The following LARP4 variants were observed in gnomAD, a reference collection of about 807,000 sequenced individuals.
LARP4 encodes la-related protein 4.
LARP4 carries 29 observed loss-of-function variants against 92.9 expected under a neutral mutation model. The ratio of observed to expected loss-of-function variants is 0.31; its 90% confidence interval spans 0.23 to 0.43. The LOEUF (loss-of-function observed/expected upper bound fraction) is 0.43. Among genes scored for constraint, LARP4 ranks in the 20% least tolerant of loss-of-function variants. The pLI, the probability that LARP4 is intolerant of heterozygous loss-of-function variation, is 1.00. For synonymous variants in LARP4, 279 were observed against 284.1 expected (o/e 0.98, Z 0.18); for missense variants, 732 against 860.0 (o/e 0.85, Z 1.86).
At chr12:50,446,111 T>A (rs1593183097) in intron 8 of LARP4, among the ~76,000 whole-genome samples, 1 of 149,806 alleles carries the variant, frequency 6.7e-6, no homozygotes, top group Admixed American at 6.7e-5. Flanking sequence ...CACGCCATTC[T>A]CCTGCCTCAG....
At chr12:50,474,200 A>G (rs1168940842) in intron 15 of LARP4, 33 bp downstream of exon 15, 10 of 1,536,156 alleles carry the variant, frequency 6.5e-6, no homozygotes, top group Non-Finnish European at 8.8e-6. Context: ...TGTTAAAAAA[A>G]ATACAATAGA....
At chr12:50,462,546 CA>C in intron 11 of LARP4, 35 bp from the exon 12 acceptor site, 1 of 1,084,146 alleles carries the variant, frequency 9.2e-7, no homozygotes. Context: ...CTTGTCCCTC[CA>C]CCCCACCCCA....
chr12:50,436,128 T>C (rs879438442), intron 5 of LARP4, among the ~76,000 whole-genome samples: 33 of 144,186 alleles, frequency 2.3e-4, no homozygotes, highest in Non-Finnish European at 4.8e-4. Context: ...GTGATATGTG[T>C]GTGTGTGTGT....
intron 1 of LARP4, among the ~76,000 whole-genome samples, chr12:50,427,307 G>A (rs1363312999): frequency 6.7e-6 from 1 of 148,252 alleles, no homozygotes. Flanking sequence ...CAAAAGTTAT[G>A]TAAATAGTTT....
At chr12:50,437,111 T>C (rs4424740) in intron 5 of LARP4, among the ~76,000 whole-genome samples, 125,062 of 152,112 alleles carry the variant, frequency 0.82, 54,505 homozygotes, top group East Asian at 0.98. Flanking sequence ...TACTTACCTG[T>C]TCATGGAGAT....
rs768965342 is a variant in LARP4, at chr12:50,479,017, TAAAC to T, written c.*3155_*3158del. On this transcript the variant is annotated 3_prime_UTR_variant, in exon 16 of 16. Transcript: ENST00000398473. ...TTCACATTCCTTTTTCTTTTTTAAATAAACAGGTTTGCTTTGGAAAGGCTTAATG... is the reference window on the plus strand; with the variant it reads ...TTCACATTCCTTTTTCTTTTTTAAATAGGTTTGCTTTGGAAAGGCTTAATG... 2 of 152,626 alleles carry T rather than the reference TAAAC, an allele frequency of 1.3e-5. No homozygotes were observed. Among genetic ancestry groups the T allele is most frequent in the Non-Finnish European group, 2.9e-5 (2 of 68,022 alleles). 9.5% of individuals were successfully genotyped at this position (152,626 alleles called of 1,614,324 possible).
At chr12:50,424,477 G>A (rs1948415834) in intron 1 of LARP4, among the ~76,000 whole-genome samples, 1 of 151,690 alleles carries the variant, frequency 6.6e-6, no homozygotes, top group Non-Finnish European at 1.5e-5. Context: ...TCTTGCCTCA[G>A]CCTCCCCAGT....
Position 50,444,843 on chromosome 12 carries a change from T to C in LARP4, c.804+3200T>C, listed in dbSNP as rs566111559. Among the ~76,000 whole-genome samples, 14 of 152,326 alleles carry C rather than the reference T, an allele frequency of 9.2e-5. No homozygotes were observed. In the East Asian group the frequency reaches 1.7e-3, roughly 19 times the overall value. On this transcript the variant is annotated intron_variant, in intron 8 of 15. Coordinates refer to ENST00000398473, the MANE Select transcript of LARP4 (RefSeq NM_052879.5). ...TTCCTTTCAGCCTAAGGAACTTCCATTGGTGTTTGTTACAGTACCAACCAG... is the reference window on the plus strand; with the variant it reads ...TTCCTTTCAGCCTAAGGAACTTCCACTGGTGTTTGTTACAGTACCAACCAG...
intron 7 of LARP4, chr12:50,441,346 G>T: frequency 3.1e-6 from 1 of 321,166 alleles, no homozygotes; most frequent in Non-Finnish European, 5.8e-6. Flanking sequence ...GGGATATTTT[G>T]GGTCTGTTTT....
chr12:50,426,579 C>T (rs1315377640), intron 1 of LARP4, among the ~76,000 whole-genome samples: 2 of 151,656 alleles, frequency 1.3e-5, no homozygotes, highest in Non-Finnish European at 2.9e-5. Context: ...AATTCTAAAG[C>T]GTGTAAGTGA....
chr12:50,471,693 G>A (rs1329831818), intron 13 of LARP4, among the ~76,000 whole-genome samples: 3 of 152,064 alleles, frequency 2.0e-5, no homozygotes, highest in Non-Finnish European at 4.4e-5. Context: ...GCTAATTTTT[G>A]TATTTTCAGT....
intron 4 of LARP4, among the ~76,000 whole-genome samples, chr12:50,434,456 TTGC>T (rs1338646546): frequency 6.6e-6 from 1 of 151,184 alleles, no homozygotes; most frequent in African/African-American, 2.4e-5. Flanking sequence ...TTCGCCCTTG[TTGC>T]CCCAACTGGA....
chr12:50,423,344 C>G (rs904229035), intron 1 of LARP4, among the ~76,000 whole-genome samples: 1 of 152,136 alleles, frequency 6.6e-6, no homozygotes, highest in Non-Finnish European at 1.5e-5. Flanking sequence ...TTCACTTACA[C>G]AGTTATTTTG....
intron 8 of LARP4, among the ~76,000 whole-genome samples, chr12:50,450,269 T>C (rs1952955678): frequency 6.6e-6 from 1 of 152,144 alleles, no homozygotes; most frequent in Non-Finnish European, 1.5e-5. Flanking sequence ...CTGTGCAGTT[T>C]GTCAAGATGT....
At chr12:50,423,751 A>ATTT (rs35992539) in intron 1 of LARP4, among the ~76,000 whole-genome samples, 1 of 130,704 alleles carries the variant, frequency 7.7e-6, no homozygotes. Flanking sequence ...CCGGCCTGTA[A>ATTT]TTTTTTTTTT....
At chr12:50,475,292 CCAT>C (rs1257071756) in intron 15 of LARP4, among the ~76,000 whole-genome samples, 1 of 152,056 alleles carries the variant, frequency 6.6e-6, no homozygotes. Flanking sequence ...TAGGTCGCTC[CCAT>C]CATTATAAAC....
chr12:50,422,466 T>C (rs1324514205), intron 1 of LARP4, among the ~76,000 whole-genome samples: 2 of 152,190 alleles, frequency 1.3e-5, no homozygotes, highest in African/African-American at 4.8e-5. Flanking sequence ...TTGCACATTT[T>C]AACTTTGAAA....
intron 8 of LARP4, among the ~76,000 whole-genome samples, chr12:50,449,157 C>T (rs1380805983): frequency 6.6e-6 from 1 of 152,070 alleles, no homozygotes; most frequent in Non-Finnish European, 1.5e-5. Flanking sequence ...GCCCGAGAAT[C>T]ATTTGATCCT....
At chr12:50,450,274 A>G (rs1593235597) in intron 8 of LARP4, among the ~76,000 whole-genome samples, 1 of 152,038 alleles carries the variant, frequency 6.6e-6, no homozygotes, top group Non-Finnish European at 1.5e-5. Context: ...CAGTTTGTCA[A>G]GATGTTCCAG....
Sources: allele counts gnomAD v4.1 joint callset (sites outside exome capture counted in the v4.1 genomes callset), GRCh38; gene constraint gnomAD v4.1.1; transcripts MANE v1.5; gene names NCBI Gene and HGNC (gene_info 2026-07-23, HGNC 2026-07-21).